The following THAP8 variants were observed in gnomAD, a reference collection of about 807,000 sequenced individuals.
THAP8 encodes the protein THAP domain-containing protein 8.
A neutral mutation model predicts 25.0 loss-of-function variants in THAP8; 24 were observed. That is an observed-to-expected ratio of 0.96 (90% CI 0.69 to 1.35). The LOEUF is 1.35. Among genes scored for constraint, THAP8 ranks in the 40% most tolerant of loss-of-function variants. The probability of loss-of-function intolerance (pLI) is 0.00; values close to 1 mark genes in which losing one functional copy is unlikely to be tolerated. For synonymous variants in THAP8, 169 were observed against 157.6 expected (o/e 1.07, Z -0.54); for missense variants, 399 against 368.8 (o/e 1.08, Z -0.67).
At chr19:36,049,634 C>T (rs535965963) in intron 1 of THAP8, among the ~76,000 whole-genome samples, 60 of 151,972 alleles carry the variant, frequency 3.9e-4, no homozygotes, top group Non-Finnish European at 7.8e-4. Context: ...GATTTTTATA[C>T]AGTCATCTGG....
intron 1 of THAP8, among the ~76,000 whole-genome samples, chr19:36,051,056 G>A (rs922307322): frequency 3.3e-5 from 5 of 151,962 alleles, no homozygotes; most frequent in African/African-American, 1.2e-4. Context: ...TGAATACATC[G>A]AAAACGCAAT....
intron 1 of THAP8, among the ~76,000 whole-genome samples, chr19:36,053,225 G>A (rs558897617): frequency 1.3e-5 from 2 of 151,792 alleles, no homozygotes; most frequent in East Asian, 3.9e-4. Flanking sequence ...GAGCCACCAC[G>A]CCCATCTAAT....
At chr19:36,039,057 G>T (rs76025839) in intron 3 of THAP8, among the ~76,000 whole-genome samples, 10,960 of 152,264 alleles carry the variant, frequency 0.072, 454 homozygotes, top group South Asian at 0.094. Flanking sequence ...GGAAAACCTA[G>T]AAATTTGTTT....
chr19:36,051,952 T>C (rs1970067401), intron 1 of THAP8, among the ~76,000 whole-genome samples: 1 of 152,196 alleles, frequency 6.6e-6, no homozygotes, highest in Non-Finnish European at 1.5e-5. Context: ...AGCAGCAGCA[T>C]TAGATTCTCA....
At chr19:36,048,138 A>G (rs973222296) in intron 1 of THAP8, among the ~76,000 whole-genome samples, 1 of 152,198 alleles carries the variant, frequency 6.6e-6, no homozygotes, top group Non-Finnish European at 1.5e-5. Context: ...TCCTCCTGCA[A>G]GACCAGCAAT....
chr19:36,054,074 C>G, intron 1 of THAP8, 61 bp downstream of exon 1: 1 of 1,564,032 alleles, frequency 6.4e-7, no homozygotes, highest in Non-Finnish European at 8.7e-7. Context: ...AGCACTAATG[C>G]TCGGGCCCCA....
chr19:36,036,340 A>G (rs932704890), intron 3 of THAP8, among the ~76,000 whole-genome samples: 5 of 149,790 alleles, frequency 3.3e-5, no homozygotes, highest in Admixed American at 1.3e-4. Flanking sequence ...CAGTAGCACA[A>G]TCACAGTTCA....
At position 36,041,724 on chromosome 19, in the gene THAP8, C is replaced by T. The variant is rs181337446; in HGVS notation, c.84-1588G>A. ...TTGACATCTCCAATCATTAGGAAAACGCAGTATCAGAACCCTGATGAAATA... is the reference window on the plus strand; with the variant it reads ...TTGACATCTCCAATCATTAGGAAAATGCAGTATCAGAACCCTGATGAAATA... On this transcript the variant is annotated intron_variant, in intron 1 of 3. Coordinates refer to ENST00000292894, the MANE Select transcript of THAP8 (RefSeq NM_152658.3). 8.5e-5 allele frequency among the ~76,000 whole-genome samples: 13 copies of T among 152,250 alleles called. No homozygotes were observed. In the East Asian group the frequency reaches 2.1e-3, roughly 25 times the overall value.
chr19:36,053,200 T>C (rs947244633), intron 1 of THAP8, among the ~76,000 whole-genome samples: 2 of 151,816 alleles, frequency 1.3e-5, no homozygotes, highest in Non-Finnish European at 2.9e-5. Context: ...ACGGAGTAGC[T>C]GGAATTACAC....
intron 1 of THAP8, among the ~76,000 whole-genome samples, chr19:36,049,601 G>T (rs566810427): frequency 1.3e-5 from 2 of 152,292 alleles, no homozygotes; most frequent in East Asian, 3.9e-4. Context: ...AGTCACTAGC[G>T]GGTGCCAATG....
At chr19:36,054,087 C>T in intron 1 of THAP8, 48 bp downstream of exon 1, 2 of 1,587,632 alleles carry the variant, frequency 1.3e-6, no homozygotes, top group Non-Finnish European at 1.7e-6. Flanking sequence ...GGGCCCCACC[C>T]CTCTCAGGGT....
chr19:36,044,480 CTTTCT>C (rs969352490), intron 1 of THAP8, among the ~76,000 whole-genome samples: 77 of 150,328 alleles, frequency 5.1e-4, no homozygotes, highest in Middle Eastern at 3.4e-3. Flanking sequence ...GGCCTGCTCT[CTTTCT>C]TTTCTTTTCT....
intron 3 of THAP8, among the ~76,000 whole-genome samples, chr19:36,038,850 C>CAA (rs541061979): frequency 5.6e-4 from 51 of 90,326 alleles, no homozygotes; most frequent in South Asian, 1.2e-3. Flanking sequence ...GACTCCGTCT[C>CAA]AAAAAAAAAA....
intron 1 of THAP8, chr19:36,046,101 G>A: frequency 2.8e-6 from 1 of 359,162 alleles, no homozygotes; most frequent in South Asian, 2.1e-5. Context: ...TGTGTCAAGG[G>A]AGGGACATGA....
upstream of THAP8, chr19:36,054,334 A>C (rs1970217805): frequency 8.0e-7 from 1 of 1,255,212 alleles, no homozygotes; most frequent in East Asian, 2.5e-5. Flanking sequence ...ACGTCCGTGG[A>C]GTCTCGTCAC....
In THAP8 at chr19:36,054,249, T is replaced by C. The variant is rs373042051; in HGVS notation, c.-32A>G. 930 of 1,605,496 alleles carry C rather than the reference T, an allele frequency of 5.8e-4. No individual in the cohort carries two copies. The highest frequency in any genetic ancestry group is 7.7e-4 in the Non-Finnish European group (905 of 1,176,026). ...CCAGCCCCCGCTGAGTTTTGCCGGG[T>C]CAGCGGCTGCACTTTGGTTCTCGCG... is the stretch of plus-strand genomic sequence containing the variant. On this transcript the variant is annotated 5_prime_UTR_variant, in exon 1 of 4. Coordinates refer to ENST00000292894, the MANE Select transcript of THAP8 (RefSeq NM_152658.3).
rs368627126 is a variant in THAP8 at position 36,040,114 on chromosome 19, G to A, written c.106C>T (p.Arg36Trp). The change falls in exon 2 of 4, where the codon CGG becomes TGG. Residue 36 changes from arginine (R) to tryptophan (W), a missense_variant. By Grantham distance (101) the Arg-to-Trp change is moderately radical. Coordinates refer to ENST00000292894, the MANE Select transcript of THAP8 (RefSeq NM_152658.3). ...FYKFPLKDGP[R>W]LQAWLQHMGC... ...ATGTGCTGCAGCCAGGCCTGCAGCC[G>A]GGGACCATCCTTCAGTGGGAACCTG... 48 of 1,608,892 alleles carry A rather than the reference G, an allele frequency of 3.0e-5. No individual in the cohort carries two copies. Among genetic ancestry groups the A allele is most frequent in the African/African-American group, 1.9e-4 (14 of 74,860 alleles).
intron 1 of THAP8, among the ~76,000 whole-genome samples, chr19:36,043,207 T>C (rs976305841): frequency 2.6e-5 from 4 of 152,012 alleles, no homozygotes; most frequent in Non-Finnish European, 4.4e-5. Context: ...GGATTACAGG[T>C]GTGAGCCACT....
chr19:36,039,248 C>T, intron 3 of THAP8, 75 bp downstream of exon 3: 1 of 1,393,774 alleles, frequency 7.2e-7, no homozygotes. Flanking sequence ...ATAGGGGATC[C>T]TAGACAAAAT....
Sources: allele counts gnomAD v4.1 joint callset (sites outside exome capture counted in the v4.1 genomes callset), GRCh38; gene constraint gnomAD v4.1.1; transcripts MANE v1.5; gene names NCBI Gene and HGNC (gene_info 2026-07-23, HGNC 2026-07-21).